Variants in ANKRD6 observed in about 807,000 individuals in gnomAD.
ANKRD6 encodes ankyrin repeat domain 6, also known as ankyrin repeat domain-containing protein 6.
ANKRD6 carries 56 observed loss-of-function variants against 82.3 expected under a neutral mutation model. The observed-to-expected ratio is 0.68, with a 90% CI of 0.55 to 0.85. ANKRD6 has a LOEUF of 0.85. Among genes scored for constraint, ANKRD6 ranks in the 40% least tolerant of loss-of-function variants. The pLI, the probability that ANKRD6 is intolerant of heterozygous loss-of-function variation, is 0.00. For synonymous variants in ANKRD6, 347 were observed against 352.1 expected, an observed-to-expected ratio of 0.99 and a Z score of 0.16; for missense variants, 852 against 907.6, an observed-to-expected ratio of 0.94 and a Z score of 0.79.
intron 1 of ANKRD6, among the ~76,000 whole-genome samples, chr6:89,489,925 G>C (rs2127836759): frequency 6.6e-6 from 1 of 152,336 alleles, no homozygotes; most frequent in South Asian, 2.1e-4. Flanking sequence ...CACTCAACAA[G>C]AGTGACCAGA....
At chr6:89,564,943 G>A in intron 1 of ANKRD6, among the ~76,000 whole-genome samples, 1 of 152,172 alleles carries the variant, frequency 6.6e-6, no homozygotes, top group East Asian at 1.9e-4. Context: ...TAGGCCTGGA[G>A]TGATTTTGCA....
chr6:89,547,850 A>G (rs1422791989), intron 1 of ANKRD6, among the ~76,000 whole-genome samples: 4 of 152,156 alleles, frequency 2.6e-5, no homozygotes, highest in Non-Finnish European at 5.9e-5. Context: ...TCACTGTGGC[A>G]AACACTTTAT....
intron 1 of ANKRD6, chr6:89,562,590 C>T (rs1043260270): frequency 2.0e-5 from 3 of 152,196 alleles, no homozygotes; most frequent in African/African-American, 7.2e-5. Context: ...GTTACAGGTC[C>T]TCTGCTGGCA....
At chr6:89,480,710 G>A (rs1776682010) in intron 1 of ANKRD6, among the ~76,000 whole-genome samples, 1 of 151,266 alleles carries the variant, frequency 6.6e-6, no homozygotes, top group Non-Finnish European at 1.5e-5. Context: ...GGCCAAGGCA[G>A]GAGGATCACT....
chr6:89,436,338 T>A (rs528848929), intron 1 of ANKRD6, among the ~76,000 whole-genome samples: 1 of 152,204 alleles, frequency 6.6e-6, no homozygotes. Flanking sequence ...TTTGCAAAGA[T>A]GTATTGTCTT....
At chr6:89,586,523 C>T (rs1793718194) in intron 2 of ANKRD6, among the ~76,000 whole-genome samples, 1 of 152,026 alleles carries the variant, frequency 6.6e-6, no homozygotes. Context: ...CCTGTCTCTA[C>T]TAAGAATACA....
chr6:89,471,266 C>A (rs182586603), intron 1 of ANKRD6, among the ~76,000 whole-genome samples: 4 of 150,214 alleles, frequency 2.7e-5, no homozygotes, highest in African/African-American at 9.8e-5. Context: ...GCAGGAGAAT[C>A]GCTTGAACTT....
intron 1 of ANKRD6, among the ~76,000 whole-genome samples, chr6:89,555,059 C>T: frequency 9.0e-6 from 1 of 111,338 alleles, no homozygotes; most frequent in Non-Finnish European, 1.8e-5. Flanking sequence ...TCCTCTCCTC[C>T]CCCCCTTCTC....
chr6:89,488,866 A>ATCTATTCTAT (rs57575981), intron 1 of ANKRD6, among the ~76,000 whole-genome samples: 20,044 of 143,080 alleles, frequency 0.14, 1,528 homozygotes, highest in African/African-American at 0.15. Context: ...AAATATATCG[A>ATCTATTCTAT]TCTATTCTAT....
rs1236478967 is a variant in ANKRD6, at chr6:89,624,642, A to G, written c.1322A>G (p.Asp441Gly). Residue 441 changes from aspartate to glycine, a missense_variant, in exon 13 of 16, where the codon GAC becomes GGC. Coordinates refer to ENST00000339746, the MANE Select transcript of ANKRD6 (RefSeq NM_001242809.2). ...AAAGCAGAGCTGGGATCGGTTCAGG[A>G]CAAAATGAATACAAAGCTGGGGCAG... ...EIKAELGSVQ[D>G]KMNTKLGQME... 3 of 1,594,000 alleles carry G rather than the reference A, an allele frequency of 1.9e-6. No individual in the cohort carries two copies. The highest frequency in any genetic ancestry group is 2.3e-5 in the East Asian group (1 of 44,126).
intron 1 of ANKRD6, among the ~76,000 whole-genome samples, chr6:89,518,958 C>T (rs1420662477): frequency 6.6e-6 from 1 of 152,176 alleles, no homozygotes; most frequent in Non-Finnish European, 1.5e-5. Context: ...TGCAGATGGC[C>T]ACCTTCTTCC....
rs189948891 is a variant in ANKRD6 at position 89,630,372 on chromosome 6, G to A, written c.1613-61G>A. The A allele has an allele frequency of 2.4e-5, 37 of 1,543,422 alleles. No homozygotes were observed. In the Middle Eastern group the frequency reaches 5.2e-4, roughly 22 times the overall value. ...CCTTAAGACTCTAAAATACTGACCC[G>A]CAGCCATATGACTGTGTGAATGTGG... On this transcript the variant is annotated intron_variant, in intron 15 of 15. Transcript: ENST00000339746.
At chr6:89,528,100 A>G (rs1332191328) in intron 1 of ANKRD6, among the ~76,000 whole-genome samples, 6 of 152,214 alleles carry the variant, frequency 3.9e-5, no homozygotes, top group Non-Finnish European at 8.8e-5. Flanking sequence ...CATGAGCCCC[A>G]TCGCACCCAG....
At chr6:89,505,873 A>G (rs771882256) in intron 1 of ANKRD6, among the ~76,000 whole-genome samples, 3 of 152,246 alleles carry the variant, frequency 2.0e-5, no homozygotes, top group Admixed American at 1.3e-4. Flanking sequence ...CCCCAGTAGT[A>G]TATTCATCCT....
chr6:89,535,137 G>A (rs975018688), intron 1 of ANKRD6, among the ~76,000 whole-genome samples: 1 of 152,162 alleles, frequency 6.6e-6, no homozygotes, highest in Non-Finnish European at 1.5e-5. Context: ...CTTTAATCAA[G>A]TTCATTAAAA....
Position 89,459,330 on chromosome 6 carries a change from G to A in ANKRD6, c.-144+25955G>A, listed in dbSNP as rs776641636. On this transcript the variant is annotated intron_variant, in intron 1 of 15. Transcript: ENST00000339746. The stretch of plus-strand genomic sequence containing the variant: ...CGACCTCAGGTGATCTGCCCGCCTC[G>A]GCCTCCCAAAGTGTTGGGATTACAG... 7.9e-5 allele frequency among the ~76,000 whole-genome samples: 12 copies of A among 152,090 alleles called. No homozygotes were observed. In the East Asian group the frequency reaches 1.5e-3, roughly 20 times the overall value.
chr6:89,550,934 C>T (rs112004056), intron 1 of ANKRD6, among the ~76,000 whole-genome samples: 22,454 of 151,508 alleles, frequency 0.15, 1,915 homozygotes, highest in South Asian at 0.34. Flanking sequence ...CCAGCCTGGG[C>T]GACAGAGACA....
In ANKRD6 at chr6:89,616,552, A is replaced by C; in HGVS notation, c.616-7A>C. 6.2e-7 allele frequency: 1 copy of C among 1,614,012 alleles called. No homozygotes were observed. Among genetic ancestry groups the C allele is most frequent in the South Asian group, 1.1e-5 (1 of 91,078 alleles). Reference sequence around the variant, plus strand: ...TGAGGTTTAGCAGACCTTCTAATCAATTCCAGGCTGGAGACACAGCACTTC... The same window carrying C: ...TGAGGTTTAGCAGACCTTCTAATCACTTCCAGGCTGGAGACACAGCACTTC... On this transcript the variant is annotated splice_region_variant and splice_polypyrimidine_tract_variant and intron_variant, in intron 7 of 15. Coordinates refer to ENST00000339746, the MANE Select transcript of ANKRD6 (RefSeq NM_001242809.2).
intron 7 of ANKRD6, among the ~76,000 whole-genome samples, chr6:89,615,097 G>A (rs1161206361): frequency 6.6e-6 from 1 of 151,978 alleles, no homozygotes; most frequent in African/African-American, 2.4e-5. Flanking sequence ...GATTGTCTTG[G>A]TATTTATTGA....
Sources: gnomAD v4.1 joint callset for allele counts (sites outside exome capture counted in the v4.1 genomes callset) on GRCh38, gnomAD v4.1.1 for gene constraint, MANE v1.5 for transcripts, NCBI Gene and HGNC (gene_info 2026-07-23, HGNC 2026-07-21) for gene names.